PRKD2: variants seen among roughly 807,000 people sequenced by gnomAD.
PRKD2 encodes the protein protein kinase D2.
A neutral mutation model predicts 86.0 loss-of-function variants in PRKD2; 22 were observed. The ratio of observed to expected loss-of-function variants is 0.26; its 90% CI spans 0.18 to 0.37. PRKD2 has a LOEUF of 0.37. Among genes scored for constraint, PRKD2 ranks in the 10% least tolerant of loss-of-function variants. The pLI is 1.00. For missense variants in PRKD2, 818 were observed against 1,199.2 expected, an observed-to-expected ratio of 0.68 and a Z score of 4.70; for synonymous variants, 509 against 510.9, an observed-to-expected ratio of 1.00 and a Z score of 0.05.
chr19:46,710,950 C>T lies in PRKD2; in HGVS notation c.468G>A (p.Gly156=), dbSNP rs751072512. ...YRAPAFCDHC[G]EMLFGLVRQG... ...GGCGCACTAGGCCGAAGAGCATCTC[C>T]CCGCAGTGATCACAGAAGGCAGGCG... The change falls in exon 3 of 18, where the codon GGG becomes GGA. Residue 156 remains glycine, a synonymous_variant. Transcript: ENST00000291281. The T allele has an allele frequency of 5.6e-5, 88 of 1,578,148 alleles. No homozygotes were observed. The Middle Eastern group carries it at 1.2e-3, about 21-fold the overall frequency.
At chr19:46,681,839 C>CTTT (rs551472575) in intron 14 of PRKD2, 91 bp from the exon 15 acceptor site, 240 of 485,732 alleles carry the variant, frequency 4.9e-4, no homozygotes, top group Middle Eastern at 1.2e-3. Flanking sequence ...CCCATCCATA[C>CTTT]TTTTTTTTTT....
At chr19:46,714,400 TC>T in intron 1 of PRKD2, 2 of 800,002 alleles carry the variant, frequency 2.5e-6, no homozygotes, top group Non-Finnish European at 3.0e-6. Context: ...TCTATTGTTG[TC>T]CCAGTTACCT....
At chr19:46,712,356 C>G (rs1343240008) in intron 2 of PRKD2, among the ~76,000 whole-genome samples, 3 of 151,982 alleles carry the variant, frequency 2.0e-5, no homozygotes, top group Non-Finnish European at 4.4e-5. Flanking sequence ...GCCTGGCCAA[C>G]AAGGTGAAAT....
chr19:46,715,001 C>A (rs1420093301), intron 1 of PRKD2, among the ~76,000 whole-genome samples: 1 of 152,168 alleles, frequency 6.6e-6, no homozygotes, highest in Non-Finnish European at 1.5e-5. Context: ...CCCCACGTTT[C>A]TCTGATGCCC....
chr19:46,716,396 T>A lies in PRKD2; in HGVS notation c.-26A>T. Reference sequence around the variant, plus strand: ...GGGGGGAGGCCGGGGACCGGCCGCCTGGAGCCCACCCGGGACCCGGCCGGG... The same window carrying A: ...GGGGGGAGGCCGGGGACCGGCCGCCAGGAGCCCACCCGGGACCCGGCCGGG... On this transcript the variant is annotated 5_prime_UTR_variant, in exon 1 of 18. Coordinates refer to ENST00000291281, the MANE Select transcript of PRKD2 (RefSeq NM_016457.5). The surrounding 1 kb of genome is among the most constrained non-coding windows in gnomAD (Gnocchi z 7.9). 3 of 1,284,914 alleles carry A rather than the reference T, an allele frequency of 2.3e-6. No individual in the cohort carries two copies. Among genetic ancestry groups the A allele is most frequent in the Non-Finnish European group, 3.0e-6 (3 of 1,006,540 alleles). The allele number at this position is 1,284,914 out of a possible 1,614,324, so 79.6% of individuals were successfully genotyped here. A position where few individuals can be genotyped will look rare whatever the true frequency, so the allele number is the denominator to read the frequency against.
chr19:46,679,301 G>C (rs1294526365), intron 15 of PRKD2, among the ~76,000 whole-genome samples: 1 of 152,174 alleles, frequency 6.6e-6, no homozygotes, highest in African/African-American at 2.4e-5. Context: ...CTGCATTCCA[G>C]CCTGGGTGAC....
intron 7 of PRKD2, among the ~76,000 whole-genome samples, chr19:46,698,188 T>C (rs1326473759): frequency 6.6e-6 from 1 of 152,074 alleles, no homozygotes; most frequent in East Asian, 1.9e-4. Flanking sequence ...CTAATTTTTG[T>C]ATTTTTAGTA....
intron 5 of PRKD2, among the ~76,000 whole-genome samples, chr19:46,701,643 C>A (rs185304211): frequency 6.7e-6 from 1 of 148,532 alleles, no homozygotes; most frequent in African/African-American, 2.5e-5. Context: ...CGTGAGCCAC[C>A]GCGCCCGACT....
chr19:46,680,946 A>ATATATATATATTTTTT lies in PRKD2; in HGVS notation c.2070+703_2070+704insAAAAAATATATATATA. Among the ~76,000 whole-genome samples the ATATATATATATTTTTT allele has an allele frequency of 1.9e-3, 93 of 48,194 alleles. 2 individuals are homozygous for ATATATATATATTTTTT. The highest frequency in any genetic ancestry group is 6.1e-3 in the African/African-American group (86 of 14,160). 31.6% of individuals were successfully genotyped at this position (48,194 alleles called of 152,430 possible). ...AAACTATATATATATATATATATAT[A>ATATATATATATTTTTT]TTTTTTTTTTTTTTTTTGAGACAGA... On this transcript the variant is annotated intron_variant, in intron 15 of 17. Transcript: ENST00000291281.
intron 9 of PRKD2, among the ~76,000 whole-genome samples, chr19:46,696,576 G>A (rs975306137): frequency 6.6e-6 from 1 of 152,090 alleles, no homozygotes; most frequent in African/African-American, 2.4e-5. Context: ...TGTCCAACAT[G>A]GTGAAACCCC....
In PRKD2 at chr19:46,694,087, A is replaced by G. The variant is rs1349389725; in HGVS notation, c.1364T>C (p.Phe455Ser). 6.2e-7 allele frequency: 1 copy of G among 1,614,130 alleles called. No homozygotes were observed. Among genetic ancestry groups the G allele is most frequent in the East Asian group, 2.2e-5 (1 of 44,882 alleles). ...GTTGGTGCCCGGCGGCACAAGGCTG[A>G]AGTTCTGGGCGGACTCCACCGTGAG... ...EILTVESAQNFSLVPPGTNPH... is the reference protein window; with the variant it reads ...EILTVESAQNSSLVPPGTNPH... The change falls in exon 10 of 18, where the codon TTC (phenylalanine) becomes TCC (serine). Residue 455 changes from phenylalanine to serine, a missense_variant. Physicochemically the swap from Phe to Ser is radical, Grantham distance 155. Around this residue, in one of 5 missense-constraint regions of PRKD2, gnomAD observed 127 missense variants for 157.8 expected, o/e 0.80. Coordinates refer to ENST00000291281, the MANE Select transcript of PRKD2 (RefSeq NM_016457.5).
chr19:46,680,724 G>A lies in PRKD2; in HGVS notation c.2070+926C>T, dbSNP rs58351949. On this transcript the variant is annotated intron_variant, in intron 15 of 17. Transcript: ENST00000291281. ...ATTGAGTTTTGTTTCTTTTTTAAGAGACAGGGTCTTGCTCTGTCACCCCAG... is the reference window on the plus strand; with the variant it reads ...ATTGAGTTTTGTTTCTTTTTTAAGAAACAGGGTCTTGCTCTGTCACCCCAG... Among the ~76,000 whole-genome samples the A allele has an allele frequency of 7.8e-3, 1,178 of 151,330 alleles. 16 individuals carry two copies. Among genetic ancestry groups the A allele is most frequent in the African/African-American group, 0.026 (1,094 of 41,294 alleles).
chr19:46,677,154 G>A (rs2053219408), intron 16 of PRKD2: 1 of 150,694 alleles, frequency 6.6e-6, no homozygotes, highest in Non-Finnish European at 1.5e-5. Flanking sequence ...CATGCTCTTA[G>A]ACCACCACCA....
At position 46,678,863 on chromosome 19, in the gene PRKD2, G is replaced by A. The variant is rs2122556889; in HGVS notation, c.2071-200C>T. ...TCAGTTTCCCCATCTATAGGAAGAA[G>A]AGCAGAAGAGCACCTATCTCAGAGG... On this transcript the variant is annotated intron_variant, in intron 15 of 17. Coordinates refer to ENST00000291281, the MANE Select transcript of PRKD2 (RefSeq NM_016457.5). The surrounding 1 kb of genome is among the most constrained non-coding windows in gnomAD (Gnocchi z 5.7). Among the ~76,000 whole-genome samples, 1 of 152,296 alleles carries A rather than the reference G, an allele frequency of 6.6e-6. No homozygotes were observed. Among genetic ancestry groups the A allele is most frequent in the East Asian group, 1.9e-4 (1 of 5,184 alleles).
At chr19:46,688,166 G>A (rs1201656859) in intron 14 of PRKD2, among the ~76,000 whole-genome samples, 3 of 151,170 alleles carry the variant, frequency 2.0e-5, no homozygotes, top group Non-Finnish European at 4.4e-5. Context: ...CTGGGATTAC[G>A]GGCATGAGCC....
chr19:46,700,941 C>A lies in PRKD2; in HGVS notation c.979G>T (p.Glu327Ter), dbSNP rs1468770997. ...EALINGDVPMEEATDFSEADK... is the reference protein window; with the variant it reads ...EALINGDVPM Reference sequence around the variant, plus strand: ...GCCTCGCTGAAATCGGTGGCCTCCTCCATCGGCACATCTGTGGGGACGGAG... The same window carrying A: ...GCCTCGCTGAAATCGGTGGCCTCCTACATCGGCACATCTGTGGGGACGGAG... Residue 327 changes from glutamate (E) to a stop codon, truncating the protein, a stop_gained, in exon 7 of 18, where the codon GAG becomes TAG. Transcript: ENST00000291281. LOFTEE classifies it high-confidence loss of function. 6.2e-7 allele frequency: 1 copy of A among 1,614,232 alleles called. No individual in the cohort carries two copies. Among genetic ancestry groups the A allele is most frequent in the East Asian group, 2.2e-5 (1 of 44,884 alleles).
At chr19:46,709,679 G>C (rs577502552) in intron 3 of PRKD2, among the ~76,000 whole-genome samples, 1 of 151,858 alleles carries the variant, frequency 6.6e-6, no homozygotes, top group African/African-American at 2.4e-5. Context: ...GTATTTTCTG[G>C]ATGTGATGAA....
At chr19:46,711,128 C>A (rs1200047443) in intron 2 of PRKD2, 90 bp from the exon 3 acceptor site, 2 of 1,466,144 alleles carry the variant, frequency 1.4e-6, no homozygotes, top group South Asian at 2.6e-5. Context: ...ACAGTGCTCC[C>A]AGCCGCAAGG....
intron 5 of PRKD2, among the ~76,000 whole-genome samples, chr19:46,702,949 A>G (rs1030091331): frequency 2.0e-5 from 3 of 152,148 alleles, no homozygotes; most frequent in African/African-American, 4.8e-5. Flanking sequence ...TTGGCCTCCC[A>G]AAGTGCTGAG....
Sources: gnomAD v4.1 joint callset for allele counts (sites outside exome capture counted in the v4.1 genomes callset) on GRCh38, gnomAD v4.1.1 for gene constraint, gnomAD v4.1.1 regional missense constraint, Gnocchi (gnomAD v3.1) non-coding constraint, MANE v1.5 for transcripts, NCBI Gene and HGNC (gene_info 2026-07-23, HGNC 2026-07-21) for gene names.